Variants in UBE2S observed in about 807,000 individuals in gnomAD.
The protein encoded by UBE2S is ubiquitin conjugating enzyme E2 S, also known as ubiquitin-conjugating enzyme E2 S.
Under a neutral mutation model 12.3 loss-of-function variants are expected in UBE2S, and 3 were observed. The ratio of observed to expected loss-of-function variants is 0.24; its 90% CI spans 0.11 to 0.63. The LOEUF (loss-of-function observed/expected upper bound fraction) is 0.63. Ranked by LOEUF, UBE2S falls within the 30% of genes least tolerant of loss-of-function variation. The pLI, the probability that UBE2S is intolerant of heterozygous loss-of-function variation, is 0.85. For missense variants in UBE2S, 211 were observed against 313.9 expected (o/e 0.67, Z 2.48); for synonymous variants, 133 against 142.0 (o/e 0.94, Z 0.45).
chr19:55,401,844 C>T, intron 3 of UBE2S, 82 bp from the exon 4 acceptor site: 1 of 1,444,740 alleles, frequency 6.9e-7, no homozygotes, highest in Non-Finnish European at 9.6e-7. Flanking sequence ...GGCCTCCGCA[C>T]TGGCTGTTCC....
chr19:55,401,527 C>A lies in UBE2S; in HGVS notation c.578G>T (p.Gly193Val), dbSNP rs1318615162. The A allele has an allele frequency of 3.7e-6, 6 of 1,610,508 alleles. No individual in the cohort carries two copies. Among genetic ancestry groups the A allele is most frequent in the Non-Finnish European group, 4.2e-6 (5 of 1,179,734 alleles). Residue 193 changes from glycine (G) to valine (V), a missense_variant, in exon 4 of 4, where the codon GGT (glycine) becomes GTT (valine). By Grantham distance (109) the Gly-to-Val change is moderately radical. Coordinates refer to ENST00000264552, the MANE Select transcript of UBE2S (RefSeq NM_014501.3). ...GCCAGCATGCTTCTTGGCCATGGGA[C>A]CCTCAGCCCCTCCCGGGCCCCCTGG... ...GAPGGPGGAEGPMAKKHAGER... is the reference protein window; with the variant it reads ...GAPGGPGGAEVPMAKKHAGER...
chr19:55,406,567 G>A (rs1341981972), intron 2 of UBE2S, among the ~76,000 whole-genome samples: 1 of 152,156 alleles, frequency 6.6e-6, no homozygotes, highest in Non-Finnish European at 1.5e-5. Flanking sequence ...GGGAAGCCAT[G>A]TCTGAAAGCC....
Position 55,404,338 on chromosome 19 carries a change from C to G in UBE2S, c.292G>C (p.Val98Leu). 1 of 1,613,798 alleles carries G rather than the reference C, an allele frequency of 6.2e-7. No individual in the cohort carries two copies. Among genetic ancestry groups the G allele is most frequent in the Non-Finnish European group, 8.5e-7 (1 of 1,179,868 alleles). ...TCAGCCGTCCAGTCCCTCTTGAGCA[C>G]GTTGACGCAGATCTCGCCATTGGCG... ...VGANGEICVN[V>L]LKRDWTAELG... The change falls in exon 3 of 4, where the codon GTG becomes CTG. Residue 98 changes from valine (V) to leucine (L), a missense_variant. By Grantham distance (32) the Val-to-Leu change is conservative. Around this residue, in one of 2 missense-constraint regions of UBE2S, gnomAD observed 127 missense variants for 224.0 expected, o/e 0.57. Transcript: ENST00000264552. This position sits in a 1 kb window ranked among gnomAD's most constrained non-coding sequence, Gnocchi z 4.4.
rs1283611835 is a variant in UBE2S at position 55,400,481 on chromosome 19, C to T, written c.*955G>A. 1 of 152,168 alleles carries T rather than the reference C, an allele frequency of 6.6e-6. No individual in the cohort carries two copies. The highest frequency in any genetic ancestry group is 1.5e-5 in the Non-Finnish European group (1 of 68,038). The allele number at this position is 152,168 out of a possible 1,614,324, so 9.4% of individuals were successfully genotyped here. ...TGGGATCTTACCCCTGTGATTTAGT[C>T]ATTATCACTTAAGTATCTGGATGGG... is the stretch of plus-strand genomic sequence containing the variant. On this transcript the variant is annotated 3_prime_UTR_variant, in exon 4 of 4. Coordinates refer to ENST00000264552, the MANE Select transcript of UBE2S (RefSeq NM_014501.3).
chr19:55,400,116 A>C lies in UBE2S; in HGVS notation c.*1320T>G, dbSNP rs2090046342. On this transcript the variant is annotated 3_prime_UTR_variant, in exon 4 of 4. Transcript: ENST00000264552. Reference sequence around the variant, plus strand: ...TCAGCTGTTTTATTAGAATAGGCAAATTCTTTCAGGACAAAAGCAGCCTTT... The same window carrying C: ...TCAGCTGTTTTATTAGAATAGGCAACTTCTTTCAGGACAAAAGCAGCCTTT... 1 of 152,128 alleles carries C rather than the reference A, an allele frequency of 6.6e-6. No individual in the cohort carries two copies. The highest frequency in any genetic ancestry group is 1.5e-5 in the Non-Finnish European group (1 of 68,016). 9.4% of individuals were successfully genotyped at this position (152,128 alleles called of 1,614,324 possible).
rs750061593 is a variant in UBE2S, at chr19:55,401,618, C to A, written c.487G>T (p.Gly163Cys). The change falls in exon 4 of 4, where the codon GGC (glycine) becomes TGC (cysteine). Residue 163 changes from glycine (G) to cysteine (C), a missense_variant. By Grantham distance (159) the Gly-to-Cys change is radical (BLOSUM62 -3). Around this residue, in one of 2 missense-constraint regions of UBE2S, gnomAD observed 84 missense variants for 89.9 expected, o/e 0.93. Transcript: ENST00000264552. Reference protein sequence around the residue: ...EIHGGAGGPSGRAEAGRALAS... With the variant: ...EIHGGAGGPSCRAEAGRALAS... ...AGGGCCCGACCGGCTTCGGCCCTGC[C>A]GCTGGGCCCGCCGGCGCCCCCGTGG... is the stretch of plus-strand genomic sequence containing the variant. 4 of 1,605,506 alleles carry A rather than the reference C, an allele frequency of 2.5e-6. No homozygotes were observed. In the Admixed American group the frequency reaches 5.1e-5, roughly 20 times the overall value.
rs2090056289 is a variant in UBE2S at position 55,401,371 on chromosome 19, G to A, written c.*65C>T. The A allele has an allele frequency of 2.8e-6, 3 of 1,086,878 alleles. No individual in the cohort carries two copies. The African/African-American group carries it at 4.7e-5, about 17-fold the overall frequency. 67.3% of individuals were successfully genotyped at this position (1,086,878 alleles called of 1,614,324 possible). A position where few individuals can be genotyped will look rare whatever the true frequency, so the allele number is the denominator to read the frequency against. On this transcript the variant is annotated 3_prime_UTR_variant, in exon 4 of 4. Transcript: ENST00000264552. ...CCCCAGCCATAATTTAAATAACTTA[G>A]AGACAGAGTTGGAGGGAGGGGACAG...
At position 55,404,124 on chromosome 19, in the gene UBE2S, G is replaced by C; in HGVS notation, c.342+164C>G. 1 of 885,114 alleles carries C rather than the reference G, an allele frequency of 1.1e-6. No homozygotes were observed. Among genetic ancestry groups the C allele is most frequent in the Non-Finnish European group, 1.7e-6 (1 of 581,198 alleles). The allele number at this position is 885,114 out of a possible 1,614,324, so 54.8% of individuals were successfully genotyped here. A position where few individuals can be genotyped will look rare whatever the true frequency, so the allele number is the denominator to read the frequency against. ...ACAGTACTTGGGTGTCCTGGGTCTGGCACTGTTTGTCTTTCCAGGAAAGCT... is the reference window on the plus strand; with the variant it reads ...ACAGTACTTGGGTGTCCTGGGTCTGCCACTGTTTGTCTTTCCAGGAAAGCT... On this transcript the variant is annotated intron_variant, in intron 3 of 3. Transcript: ENST00000264552. This position sits in a 1 kb window ranked among gnomAD's most constrained non-coding sequence, Gnocchi z 4.4.
chr19:55,403,526 AAAAGG>A (rs1020871956), intron 3 of UBE2S, among the ~76,000 whole-genome samples: 48 of 148,998 alleles, frequency 3.2e-4, no homozygotes, highest in African/African-American at 1.0e-3. Context: ...GGAAGAAAGA[AAAAGG>A]AAAGAAAGAA....
At chr19:55,403,120 C>A in intron 3 of UBE2S, 1 of 850,842 alleles carries the variant, frequency 1.2e-6, no homozygotes, top group Non-Finnish European at 1.9e-6. Flanking sequence ...TAGTGGCACC[C>A]CCGAGTTGTG....
At chr19:55,407,492 C>T (rs1230467553) in intron 1 of UBE2S, 95 bp downstream of exon 1, 14 of 1,387,998 alleles carry the variant, frequency 1.0e-5, no homozygotes, top group African/African-American at 3.0e-5. Context: ...GGCCCTCAAA[C>T]CCCTCAAGGC....
chr19:55,401,303 G>A lies in UBE2S; in HGVS notation c.*133C>T. 1.1e-6 allele frequency: 1 copy of A among 930,392 alleles called. No homozygotes were observed. Among genetic ancestry groups the A allele is most frequent in the South Asian group, 1.7e-5 (1 of 58,932 alleles). 57.6% of individuals were successfully genotyped at this position (930,392 alleles called of 1,614,324 possible). A position where few individuals can be genotyped will look rare whatever the true frequency, so the allele number is the denominator to read the frequency against. ...GAAGCTGCTTTTCCAACTTTATTTA[G>A]AAAAACAAATCCAGGTCCCAGTGCC... On this transcript the variant is annotated 3_prime_UTR_variant, in exon 4 of 4. Transcript: ENST00000264552.
At chr19:55,406,791 TTC>T (rs2090098889) in intron 2 of UBE2S, 22 bp downstream of exon 2, 2 of 1,602,850 alleles carry the variant, frequency 1.2e-6, no homozygotes, top group Admixed American at 1.7e-5. Flanking sequence ...CAGCAGCCCC[TTC>T]TCTTTTTCCT....
At chr19:55,403,551 G>C (rs1431289019) in intron 3 of UBE2S, among the ~76,000 whole-genome samples, 1 of 151,722 alleles carries the variant, frequency 6.6e-6, no homozygotes, top group Non-Finnish European at 1.5e-5. Context: ...AGAAAGAAAA[G>C]AAAGAAAGAG....
chr19:55,401,349 C>T lies in UBE2S; in HGVS notation c.*87G>A. On this transcript the variant is annotated 3_prime_UTR_variant, in exon 4 of 4. Transcript: ENST00000264552. ...GTGCCCCCTGTACCCTCCCCGACCC[C>T]AGCCATAATTTAAATAACTTAGAGA... 2.9e-6 allele frequency: 3 copies of T among 1,019,752 alleles called. No homozygotes were observed. The highest frequency in any genetic ancestry group is 4.2e-6 in the Non-Finnish European group (3 of 710,842). 63.2% of individuals were successfully genotyped at this position (1,019,752 alleles called of 1,614,324 possible). A position where few individuals can be genotyped will look rare whatever the true frequency, so the allele number is the denominator to read the frequency against.
At position 55,400,665 on chromosome 19, in the gene UBE2S, C is replaced by G. The variant is rs2090050615; in HGVS notation, c.*771G>C. The G allele has an allele frequency of 6.6e-6, 1 of 152,242 alleles. No homozygotes were observed. Among genetic ancestry groups the G allele is most frequent in the Non-Finnish European group, 1.5e-5 (1 of 68,064 alleles). 9.4% of individuals were successfully genotyped at this position (152,242 alleles called of 1,614,324 possible). ...ATGGAAGAGGACCCAGACTAAGGAA[C>G]ACCAACAACCAATACCTCAATTTTA... On this transcript the variant is annotated 3_prime_UTR_variant, in exon 4 of 4. Transcript: ENST00000264552.
At position 55,401,192 on chromosome 19, in the gene UBE2S, A is replaced by G. The variant is rs555506572; in HGVS notation, c.*244T>C. ...CCACTGCTGCAGTCCATGAGGCTTT[A>G]CAAGGACCCAGGGCCTGTGCAGGGG... On this transcript the variant is annotated 3_prime_UTR_variant, in exon 4 of 4. Coordinates refer to ENST00000264552, the MANE Select transcript of UBE2S (RefSeq NM_014501.3). 199 of 572,974 alleles carry G rather than the reference A, an allele frequency of 3.5e-4. No homozygotes were observed. The African/African-American group carries it at 3.5e-3, about 10-fold the overall frequency. 35.5% of individuals were successfully genotyped at this position (572,974 alleles called of 1,614,324 possible).
intron 2 of UBE2S, among the ~76,000 whole-genome samples, chr19:55,406,242 C>CT (rs2090095391): frequency 1.3e-5 from 2 of 152,206 alleles, no homozygotes; most frequent in African/African-American, 2.4e-5. Context: ...CACCTACCAC[C>CT]ATCACCACCG....
At chr19:55,403,643 C>A (rs1235481123) in intron 3 of UBE2S, among the ~76,000 whole-genome samples, 2 of 152,048 alleles carry the variant, frequency 1.3e-5, no homozygotes, top group Non-Finnish European at 2.9e-5. Flanking sequence ...ATAAGCCCAG[C>A]ACTTTGGGAG....
Sources: allele counts gnomAD v4.1 joint callset (sites outside exome capture counted in the v4.1 genomes callset), GRCh38; gene constraint gnomAD v4.1.1; regional missense constraint gnomAD v4.1.1; non-coding constraint Gnocchi (gnomAD v3.1); transcripts MANE v1.5; gene names NCBI Gene and HGNC (gene_info 2026-07-23, HGNC 2026-07-21).